The following HPSE2 variants were observed in gnomAD, a reference collection of about 807,000 sequenced individuals.
The protein encoded by HPSE2 is inactive heparanase-2.
In HPSE2, 38 loss-of-function variants were observed where a neutral mutation model predicts 60.5. The ratio of observed to expected loss-of-function variants is 0.63; its 90% CI spans 0.48 to 0.82. The LOEUF is 0.82. HPSE2 is among the 40% of genes least tolerant of loss of function. The pLI, the probability that HPSE2 is intolerant of heterozygous loss-of-function variation, is 0.00. For missense variants in HPSE2, 713 were observed against 740.4 expected (o/e 0.96, Z 0.43); for synonymous variants, 295 against 293.2 (o/e 1.01, Z -0.06).
intron 6 of HPSE2, among the ~76,000 whole-genome samples, chr10:98,681,311 A>T (rs1344177563): frequency 6.6e-6 from 1 of 152,154 alleles, no homozygotes; most frequent in Non-Finnish European, 1.5e-5. Context: ...AAGACTTCTG[A>T]CTAGATAAGT....
At chr10:99,119,678 C>T (rs1844868171) in intron 3 of HPSE2, among the ~76,000 whole-genome samples, 1 of 152,150 alleles carries the variant, frequency 6.6e-6, no homozygotes, top group South Asian at 2.1e-4. Context: ...TTACATCATA[C>T]TACCTGACTT....
chr10:98,494,991 T>C (rs185655748), intron 9 of HPSE2, among the ~76,000 whole-genome samples: 1 of 152,294 alleles, frequency 6.6e-6, no homozygotes, highest in Admixed American at 6.5e-5. Context: ...TATTTTTTCA[T>C]ACAACATTGA....
chr10:98,960,726 A>ATTTTTTTT (rs68091060), intron 3 of HPSE2, among the ~76,000 whole-genome samples: 5 of 102,602 alleles, frequency 4.9e-5, no homozygotes, highest in African/African-American at 1.2e-4. Flanking sequence ...TTTTTGTTTT[A>ATTTTTTTT]TTTTTTTTAT....
intron 9 of HPSE2, among the ~76,000 whole-genome samples, chr10:98,567,345 C>A (rs1320745820): frequency 6.6e-6 from 1 of 152,088 alleles, no homozygotes; most frequent in Non-Finnish European, 1.5e-5. Context: ...GATGTTTATT[C>A]CTTGGTTTCC....
intron 3 of HPSE2, among the ~76,000 whole-genome samples, chr10:99,132,306 TG>T (rs1845474544): frequency 6.6e-6 from 1 of 151,400 alleles, no homozygotes; most frequent in Non-Finnish European, 1.5e-5. Context: ...AATTTATGCA[TG>T]TAACCAAAAA....
At chr10:98,901,356 C>A (rs144235820) in intron 3 of HPSE2, among the ~76,000 whole-genome samples, 2 of 152,246 alleles carry the variant, frequency 1.3e-5, no homozygotes, top group African/African-American at 4.8e-5. Context: ...AATTTTATTT[C>A]AATACAGTTG....
chr10:99,177,116 A>C (rs956425727), intron 2 of HPSE2, among the ~76,000 whole-genome samples: 3 of 152,206 alleles, frequency 2.0e-5, no homozygotes, highest in Non-Finnish European at 2.9e-5. Flanking sequence ...GAGCTCCTGA[A>C]GGAAGCACTA....
intron 5 of HPSE2, among the ~76,000 whole-genome samples, chr10:98,721,066 A>AT (rs568347626): frequency 8.7e-5 from 13 of 149,454 alleles, no homozygotes; most frequent in African/African-American, 2.0e-4. Flanking sequence ...ATAAATCTCT[A>AT]TTTTTTTTTT....
intron 3 of HPSE2, among the ~76,000 whole-genome samples, chr10:99,100,127 A>G (rs1436308562): frequency 6.6e-6 from 1 of 152,244 alleles, no homozygotes; most frequent in African/African-American, 2.4e-5. Flanking sequence ...CAGCAATGGA[A>G]CAAAGCTGGG....
the HPSE2 span, among the ~76,000 whole-genome samples, chr10:99,313,253 T>C: frequency 0.86 from 130,531 of 152,176 alleles, 56,370 homozygotes; most frequent in African/African-American, 0.93. Flanking sequence ...CATATCCACA[T>C]AAACAGGAAT....
chr10:99,150,699 G>T (rs1240287770), intron 2 of HPSE2, among the ~76,000 whole-genome samples: 1 of 152,162 alleles, frequency 6.6e-6, no homozygotes, highest in Non-Finnish European at 1.5e-5. Context: ...ATGCAAGCTT[G>T]GCTGACTAGC....
intron 3 of HPSE2, among the ~76,000 whole-genome samples, chr10:98,910,595 G>A (rs1953952364): frequency 6.6e-6 from 1 of 152,170 alleles, no homozygotes; most frequent in South Asian, 2.1e-4. Context: ...AGGCTTTAGA[G>A]GCAGAACAAG....
At chr10:98,528,179 C>T (rs181816180) in intron 9 of HPSE2, among the ~76,000 whole-genome samples, 6 of 152,180 alleles carry the variant, frequency 3.9e-5, no homozygotes, top group African/African-American at 7.2e-5. Context: ...TTCTAGATCC[C>T]GAATGATGAT....
At chr10:98,665,096 G>A (rs952030872) in intron 6 of HPSE2, among the ~76,000 whole-genome samples, 2 of 152,092 alleles carry the variant, frequency 1.3e-5, no homozygotes, top group Admixed American at 6.6e-5. Flanking sequence ...TTTTATGAAA[G>A]AACCAAACTT....
intron 3 of HPSE2, among the ~76,000 whole-genome samples, chr10:99,130,843 C>T (rs1845356084): frequency 2.0e-5 from 3 of 152,120 alleles, no homozygotes; most frequent in African/African-American, 7.2e-5. Context: ...CAGCTAATTG[C>T]ATTCTTGGAT....
intron 9 of HPSE2, among the ~76,000 whole-genome samples, chr10:98,513,355 A>G (rs1942485579): frequency 6.6e-6 from 1 of 152,194 alleles, no homozygotes; most frequent in Non-Finnish European, 1.5e-5. Flanking sequence ...GGTTCCACGG[A>G]GCAGCCAGTG....
chr10:98,582,721 CCTTTA>C (rs757497147), intron 9 of HPSE2, among the ~76,000 whole-genome samples: 8 of 152,126 alleles, frequency 5.3e-5, no homozygotes, highest in East Asian at 1.9e-4. Context: ...TTTACAGGAG[CCTTTA>C]CTTTAAAGTA....
intron 3 of HPSE2, among the ~76,000 whole-genome samples, chr10:99,019,370 G>T (rs1366174946): frequency 2.0e-5 from 3 of 152,164 alleles, no homozygotes; most frequent in Non-Finnish European, 4.4e-5. Context: ...CACTATATGG[G>T]AGTTAATTTC....
chr10:99,235,057 A>C (rs1201523105), intron 1 of HPSE2, among the ~76,000 whole-genome samples: 1 of 149,178 alleles, frequency 6.7e-6, no homozygotes, highest in Non-Finnish European at 1.5e-5. Context: ...AGTTTCGTGC[A>C]ATCCCGCTTG....
Sources: allele counts gnomAD v4.1 joint callset (sites outside exome capture counted in the v4.1 genomes callset), GRCh38; gene constraint gnomAD v4.1.1; transcripts MANE v1.5; gene names NCBI Gene and HGNC (gene_info 2026-07-23, HGNC 2026-07-21).